Variants in RANBP2 observed in about 807,000 individuals in gnomAD.
The protein encoded by RANBP2 is E3 SUMO-protein ligase RanBP2.
In RANBP2, 57 loss-of-function variants were observed where a neutral mutation model predicts 303.6. The ratio of observed to expected loss-of-function variants is 0.19; its 90% CI spans 0.15 to 0.23. RANBP2 has a LOEUF of 0.23. Among genes scored for constraint, RANBP2 ranks in the 10% least tolerant of loss-of-function variants. RANBP2 has a pLI of 1.00. For synonymous variants in RANBP2, 1,167 were observed against 1,301.5 expected, an observed-to-expected ratio of 0.90 and a Z score of 2.23; for missense variants, 3,138 against 3,780.8, an observed-to-expected ratio of 0.83 and a Z score of 4.46.
chr2:109,475,228 C>T, the RANBP2 span, among the ~76,000 whole-genome samples: 1 of 152,178 alleles, frequency 6.6e-6, no homozygotes, highest in South Asian at 2.1e-4. Context: ...CCACCCGCCT[C>T]GGCCTCCCAA....
chr2:109,484,763 C>T, the RANBP2 span, among the ~76,000 whole-genome samples: 6 of 152,316 alleles, frequency 3.9e-5, no homozygotes, highest in South Asian at 1.2e-3. Context: ...CCCTCTGACC[C>T]TGCCTGCCCT....
chr2:109,337,548 C>T, the RANBP2 span, among the ~76,000 whole-genome samples: 2 of 152,226 alleles, frequency 1.3e-5, no homozygotes, highest in African/African-American at 4.8e-5. Flanking sequence ...AGCGTTTCCA[C>T]CCTGCCCAAG....
At chr2:109,378,519 T>C in the RANBP2 span, among the ~76,000 whole-genome samples, 3 of 152,332 alleles carry the variant, frequency 2.0e-5, no homozygotes, top group Middle Eastern at 6.8e-3. Flanking sequence ...TTTCTTTGCA[T>C]GCCTGGTAAT....
the RANBP2 span, among the ~76,000 whole-genome samples, chr2:108,793,912 A>G: frequency 3.9e-5 from 6 of 152,020 alleles, no homozygotes; most frequent in Non-Finnish European, 8.8e-5. Context: ...ACCCTCAGGA[A>G]ACTCTTAAAC....
At chr2:109,159,864 G>A in the RANBP2 span, among the ~76,000 whole-genome samples, 3 of 152,218 alleles carry the variant, frequency 2.0e-5, no homozygotes, top group African/African-American at 7.2e-5. Context: ...ACCCTCAGAT[G>A]AGACTGTCTA....
the RANBP2 span, among the ~76,000 whole-genome samples, chr2:109,661,262 T>C: frequency 1.3e-4 from 17 of 129,942 alleles, no homozygotes; most frequent in African/African-American, 4.2e-4. Context: ...TTTTTTTTTT[T>C]CTGAGACGGA....
the RANBP2 span, among the ~76,000 whole-genome samples, chr2:109,675,614 G>A: frequency 2.6e-5 from 4 of 152,086 alleles, no homozygotes; most frequent in Admixed American, 1.3e-4. Context: ...CCCAGGAGGC[G>A]GAGGTTGCAG....
At chr2:109,427,872 C>G in the RANBP2 span, among the ~76,000 whole-genome samples, 3 of 152,268 alleles carry the variant, frequency 2.0e-5, no homozygotes, top group African/African-American at 7.2e-5. Flanking sequence ...AGCAGTGCTC[C>G]CGGAGCTGGC....
the RANBP2 span, among the ~76,000 whole-genome samples, chr2:108,887,576 T>C: frequency 6.6e-6 from 1 of 152,220 alleles, no homozygotes; most frequent in Non-Finnish European, 1.5e-5. Flanking sequence ...GTTTTCCTTA[T>C]AGAGATTTTC....
Position 108,767,957 on chromosome 2 carries a change from A to G in RANBP2, c.7418A>G (p.Glu2473Gly). ...GGCAAAATTGCTGTAGCTGTATTAGAAGAAACCACAAGAGAGAGGACAGAT... is the reference window on the plus strand; with the variant it reads ...GGCAAAATTGCTGTAGCTGTATTAGGAGAAACCACAAGAGAGAGGACAGAT... ...PCGKIAVAVLEETTRERTDVI... is the reference protein window; with the variant it reads ...PCGKIAVAVLGETTRERTDVI... Residue 2473 changes from glutamate (E) to glycine (G), a missense_variant, in exon 20 of 29, where the codon GAA becomes GGA. Glu to Gly is a moderately conservative substitution (Grantham distance 98, BLOSUM62 -2). Around this residue, in one of 20 missense-constraint regions of RANBP2, gnomAD observed 92 missense variants for 211.0 expected, o/e 0.44. Coordinates refer to ENST00000283195, the MANE Select transcript of RANBP2 (RefSeq NM_006267.5). 6.2e-7 allele frequency: 1 copy of G among 1,611,978 alleles called. No homozygotes were observed. The highest frequency in any genetic ancestry group is 8.5e-7 in the Non-Finnish European group (1 of 1,179,848).
the RANBP2 span, among the ~76,000 whole-genome samples, chr2:109,327,984 C>G: frequency 6.6e-6 from 1 of 152,368 alleles, no homozygotes; most frequent in South Asian, 2.1e-4. Context: ...GCATCAGCAG[C>G]TGTCAACATG....
At chr2:109,172,173 G>A in the RANBP2 span, among the ~76,000 whole-genome samples, 7 of 152,226 alleles carry the variant, frequency 4.6e-5, no homozygotes, top group South Asian at 4.1e-4. Flanking sequence ...ATGCCGATGA[G>A]TGAGCTGTGC....
the RANBP2 span, among the ~76,000 whole-genome samples, chr2:109,500,750 A>G: frequency 6.6e-6 from 1 of 152,132 alleles, no homozygotes; most frequent in African/African-American, 2.4e-5. Flanking sequence ...GGAGTTCAAG[A>G]CCAGCCTGGG....
chr2:108,854,069 A>T, the RANBP2 span, among the ~76,000 whole-genome samples: 14 of 124,602 alleles, frequency 1.1e-4, no homozygotes, highest in Admixed American at 5.8e-4. Context: ...TATATATTTT[A>T]TATATAATAT....
chr2:109,321,004 A>G, the RANBP2 span, among the ~76,000 whole-genome samples: 1 of 152,240 alleles, frequency 6.6e-6, no homozygotes, highest in East Asian at 1.9e-4. Flanking sequence ...CTACATACCT[A>G]CATAGATTGT....
the RANBP2 span, among the ~76,000 whole-genome samples, chr2:108,820,947 C>G: frequency 6.6e-6 from 1 of 152,010 alleles, no homozygotes; most frequent in Admixed American, 6.6e-5. Flanking sequence ...TAGTAAGTAG[C>G]CTATATTATT....
the RANBP2 span, among the ~76,000 whole-genome samples, chr2:109,337,340 C>T: frequency 6.6e-6 from 1 of 152,184 alleles, no homozygotes; most frequent in African/African-American, 2.4e-5. Flanking sequence ...GGCTGCTGGC[C>T]CCATTGTGGC....
the RANBP2 span, among the ~76,000 whole-genome samples, chr2:108,920,599 G>T: frequency 6.6e-6 from 1 of 152,148 alleles, no homozygotes; most frequent in Non-Finnish European, 1.5e-5. Flanking sequence ...GGGCGAGTAT[G>T]TTCCAATCCA....
rs200940828 is a variant in RANBP2 at position 108,754,945 on chromosome 2, C to T, written c.2243C>T (p.Ser748Leu). The T allele has an allele frequency of 9.1e-4, 1,460 of 1,611,732 alleles. No homozygotes were observed. The highest frequency in any genetic ancestry group is 1.2e-3 in the Admixed American group (69 of 59,992). Residue 748 changes from serine to leucine, a missense_variant, in exon 16 of 29, where the codon TCA (serine) becomes TTA (leucine). Ser to Leu is a moderately radical substitution (Grantham distance 145, BLOSUM62 -2). Coordinates refer to ENST00000283195, the MANE Select transcript of RANBP2 (RefSeq NM_006267.5). The part of the protein sequence containing the change: ...PLESVKEMLN[S>L]VMQELEDYSE... ...GAGTCTGTAAAAGAGATGCTTAATT[C>T]AGTCATGCAGGAACTCGAAGACTAT... is the stretch of plus-strand genomic sequence containing the variant.
Sources: gnomAD v4.1 joint callset for allele counts (sites outside exome capture counted in the v4.1 genomes callset) on GRCh38, gnomAD v4.1.1 for gene constraint, gnomAD v4.1.1 regional missense constraint, MANE v1.5 for transcripts, NCBI Gene and HGNC (gene_info 2026-07-23, HGNC 2026-07-21) for gene names.